The following TNFAIP1 variants were observed in gnomAD, a reference collection of about 807,000 sequenced individuals.
The protein encoded by TNFAIP1 is TNF alpha induced protein 1.
In TNFAIP1, 20 loss-of-function variants were observed where a neutral mutation model predicts 32.6. That is an observed-to-expected ratio of 0.61 (90% CI 0.43 to 0.89). TNFAIP1 has a LOEUF of 0.89. Among genes scored for constraint, TNFAIP1 ranks in the 40% least tolerant of loss-of-function variants. The pLI is 0.00. For synonymous variants in TNFAIP1, 166 were observed against 166.8 expected, an observed-to-expected ratio of 1.00 and a Z score of 0.04; for missense variants, 319 against 425.1, an observed-to-expected ratio of 0.75 and a Z score of 2.20.
chr17:28,340,452 G>A lies in TNFAIP1; in HGVS notation c.349G>A (p.Val117Met), dbSNP rs1907323429. 1.2e-6 allele frequency: 2 copies of A among 1,613,844 alleles called. No homozygotes were observed. The highest frequency in any genetic ancestry group is 1.3e-5 in the African/African-American group (1 of 75,046). ...EAKYYLIQGL[V>M]NMCQSALQDK... ...AAAGTATTACCTCATCCAGGGGCTG[G>A]TGAATATGTGCCAGAGTGCCCTGCA... Residue 117 changes from valine to methionine, a missense_variant, in exon 3 of 7, where the codon GTG becomes ATG. Transcript: ENST00000226225. This position sits in a 1 kb window ranked among gnomAD's most constrained non-coding sequence, Gnocchi z 4.1.
rs1296867596 is a variant in TNFAIP1 at position 28,344,860 on chromosome 17, C to T, written c.*260C>T. 2 of 534,508 alleles carry T rather than the reference C, an allele frequency of 3.7e-6. No individual in the cohort carries two copies. Among genetic ancestry groups the T allele is most frequent in the East Asian group, 3.2e-5 (1 of 30,954 alleles). The allele number at this position is 534,508 out of a possible 1,614,324, so 33.1% of individuals were successfully genotyped here. A position where few individuals can be genotyped will look rare whatever the true frequency, so the allele number is the denominator to read the frequency against. ...TGCCCGACGGAGCTGCTTCTGCTCC[C>T]TGGGGCATATGGACTGACCCACCTC... On this transcript the variant is annotated 3_prime_UTR_variant, in exon 7 of 7. Coordinates refer to ENST00000226225, the MANE Select transcript of TNFAIP1 (RefSeq NM_021137.5).
At chr17:28,339,241 GAA>G (rs1316145348) in intron 1 of TNFAIP1, among the ~76,000 whole-genome samples, 165 bp from the exon 2 acceptor site, 3 of 82,426 alleles carry the variant, frequency 3.6e-5, no homozygotes. Context: ...CTGTCTCTAA[GAA>G]AAAAAAAAAA....
Position 28,339,657 on chromosome 17 carries a change from C to T in TNFAIP1, c.136C>T (p.Leu46=), listed in dbSNP as rs782445475. Reference sequence around the variant, plus strand: ...TCTGTACTACACCACTGTGCGGGCCCTGACCCGCCACGACACCATGCTCAA... The same window carrying T: ...TCTGTACTACACCACTGTGCGGGCCTTGACCCGCCACGACACCATGCTCAA... ...GSLYYTTVRA[L]TRHDTMLKAM... The change falls in exon 2 of 7, where the codon CTG becomes TTG. Residue 46 remains leucine (L), a synonymous_variant. Coordinates refer to ENST00000226225, the MANE Select transcript of TNFAIP1 (RefSeq NM_021137.5). 3 of 1,613,326 alleles carry T rather than the reference C, an allele frequency of 1.9e-6. No individual in the cohort carries two copies. The highest frequency in any genetic ancestry group is 2.5e-6 in the Non-Finnish European group (3 of 1,180,018).
chr17:28,340,234 C>T lies in TNFAIP1; in HGVS notation c.206-75C>T. 1 of 1,514,244 alleles carries T rather than the reference C, an allele frequency of 6.6e-7. No individual in the cohort carries two copies. 93.8% of individuals were successfully genotyped at this position (1,514,244 alleles called of 1,614,324 possible). A position where few individuals can be genotyped will look rare whatever the true frequency, so the allele number is the denominator to read the frequency against. On this transcript the variant is annotated intron_variant, in intron 2 of 6. Coordinates refer to ENST00000226225, the MANE Select transcript of TNFAIP1 (RefSeq NM_021137.5). The surrounding 1 kb of genome is among the most constrained non-coding windows in gnomAD (Gnocchi z 4.1). ...CCCCTTCCCTGCCACCTGCCGCCAG[C>T]TTGTCAGGTGGCCTTTGCCTGCCTC... is the stretch of plus-strand genomic sequence containing the variant.
Position 28,344,830 on chromosome 17 carries a change from C to G in TNFAIP1, c.*230C>G, listed in dbSNP as rs1189762330. The G allele has an allele frequency of 5.2e-6, 3 of 574,282 alleles. No homozygotes were observed. The highest frequency in any genetic ancestry group is 9.4e-6 in the Non-Finnish European group (3 of 320,164). The allele number at this position is 574,282 out of a possible 1,614,324, so 35.6% of individuals were successfully genotyped here. Reference sequence around the variant, plus strand: ...CCTGTCCTATCTGCTCACCATCACCCTTCCTGCCCGACGGAGCTGCTTCTG... The same window carrying G: ...CCTGTCCTATCTGCTCACCATCACCGTTCCTGCCCGACGGAGCTGCTTCTG... On this transcript the variant is annotated 3_prime_UTR_variant, in exon 7 of 7. Transcript: ENST00000226225.
In TNFAIP1 at chr17:28,336,820, TG is replaced by T. The variant is rs386796343; in HGVS notation, c.-115+966del. Among the ~76,000 whole-genome samples the T allele has an allele frequency of 1.4e-4, 22 of 152,350 alleles. 1 individual carries two copies. The highest frequency in any genetic ancestry group is 5.1e-4 in the African/African-American group (21 of 41,578). ...TCACTGCTTCACACAGCACCCACGCTGGCTGTCCACTTCCTTGGACATTCTT... is the reference window on the plus strand; with the variant it reads ...TCACTGCTTCACACAGCACCCACGCTGCTGTCCACTTCCTTGGACATTCTT... On this transcript the variant is annotated intron_variant, in intron 1 of 6. Coordinates refer to ENST00000226225, the MANE Select transcript of TNFAIP1 (RefSeq NM_021137.5).
chr17:28,344,801 G>A lies in TNFAIP1; in HGVS notation c.*201G>A. 1.7e-6 allele frequency: 1 copy of A among 604,978 alleles called. No individual in the cohort carries two copies. Among genetic ancestry groups the A allele is most frequent in the East Asian group, 2.8e-5 (1 of 35,936 alleles). 37.5% of individuals were successfully genotyped at this position (604,978 alleles called of 1,614,324 possible). Reference sequence around the variant, plus strand: ...TTGCCCCTGAGCACTTCTGGAGACTGCGTCCTGTCCTATCTGCTCACCATC... The same window carrying A: ...TTGCCCCTGAGCACTTCTGGAGACTACGTCCTGTCCTATCTGCTCACCATC... On this transcript the variant is annotated 3_prime_UTR_variant, in exon 7 of 7. Transcript: ENST00000226225.
In TNFAIP1 at chr17:28,346,732, A is replaced by T. The variant is rs1241815794; in HGVS notation, c.*2132A>T. ...CAGAAAGCAACTCTTGGCTGTGTGC[A>T]TTTTTCAACTCCAAGCAGCCCAGGG... On this transcript the variant is annotated 3_prime_UTR_variant, in exon 7 of 7. Transcript: ENST00000226225. 1 of 152,106 alleles carries T rather than the reference A, an allele frequency of 6.6e-6. No individual in the cohort carries two copies. The highest frequency in any genetic ancestry group is 1.5e-5 in the Non-Finnish European group (1 of 68,032). 9.4% of individuals were successfully genotyped at this position (152,106 alleles called of 1,614,324 possible).
chr17:28,337,059 C>A (rs1412521805), intron 1 of TNFAIP1, among the ~76,000 whole-genome samples: 5 of 152,164 alleles, frequency 3.3e-5, no homozygotes, highest in African/African-American at 1.2e-4. Context: ...GAAATCATTC[C>A]ACTTTTTTTC....
In TNFAIP1 at chr17:28,342,304, C is replaced by T; in HGVS notation, c.576C>T (p.Arg192=). The change falls in exon 6 of 7, where the codon CGC becomes CGT. Residue 192 remains arginine (R), a synonymous_variant. Coordinates refer to ENST00000226225, the MANE Select transcript of TNFAIP1 (RefSeq NM_021137.5). The surrounding 1 kb of genome is among the most constrained non-coding windows in gnomAD (Gnocchi z 4.0). ...NIELFDKLSL[R]FNGRVLFIKD... Reference sequence around the variant, plus strand: ...AGCTGTTTGACAAGCTCTCCCTGCGCTTCAACGGCCGCGTGCTCTTCATCA... The same window carrying T: ...AGCTGTTTGACAAGCTCTCCCTGCGTTTCAACGGCCGCGTGCTCTTCATCA... The T allele has an allele frequency of 6.3e-7, 1 of 1,597,872 alleles. No individual in the cohort carries two copies. Among genetic ancestry groups the T allele is most frequent in the Non-Finnish European group, 8.6e-7 (1 of 1,166,256 alleles).
chr17:28,338,967 A>G (rs1354162073), intron 1 of TNFAIP1, among the ~76,000 whole-genome samples: 1 of 151,684 alleles, frequency 6.6e-6, no homozygotes, highest in Non-Finnish European at 1.5e-5. Context: ...GCGGTGATTC[A>G]TACTTATAAT....
At chr17:28,339,831 G>A in intron 2 of TNFAIP1, 105 bp downstream of exon 2, 2 of 1,251,754 alleles carry the variant, frequency 1.6e-6, no homozygotes, top group Non-Finnish European at 2.2e-6. Flanking sequence ...TTTATGTAGG[G>A]TGTCTTCACC....
chr17:28,336,488 A>G (rs1199707363), intron 1 of TNFAIP1: 2 of 152,168 alleles, frequency 1.3e-5, no homozygotes, highest in Admixed American at 6.5e-5. Flanking sequence ...AAAGGAAGAG[A>G]TTAGCTCTGG....
At chr17:28,343,800 T>G (rs147498330) in intron 6 of TNFAIP1, among the ~76,000 whole-genome samples, 2 of 152,172 alleles carry the variant, frequency 1.3e-5, no homozygotes, top group African/African-American at 2.4e-5. Flanking sequence ...ATTCAGGTGC[T>G]TGACTGCCTT....
At position 28,344,706 on chromosome 17, in the gene TNFAIP1, C is replaced by A; in HGVS notation, c.*106C>A. 8.6e-7 allele frequency: 1 copy of A among 1,160,124 alleles called. No individual in the cohort carries two copies. The highest frequency in any genetic ancestry group is 1.4e-5 in the South Asian group (1 of 73,654). The allele number at this position is 1,160,124 out of a possible 1,614,324, so 71.9% of individuals were successfully genotyped here. ...TGCTGCCTGGGTCTCTGCTCTAGCA[C>A]CCAGAGGCATGACAGGCCCTGCTCA... On this transcript the variant is annotated 3_prime_UTR_variant, in exon 7 of 7. Transcript: ENST00000226225.
intron 6 of TNFAIP1, among the ~76,000 whole-genome samples, chr17:28,344,148 G>A (rs984299099): frequency 6.6e-5 from 10 of 152,114 alleles, no homozygotes; most frequent in Non-Finnish European, 1.3e-4. Flanking sequence ...GCTGGGGCAG[G>A]GGTGTGGAGG....
chr17:28,341,130 C>T, intron 3 of TNFAIP1, 107 bp from the exon 4 acceptor site: 1 of 1,167,074 alleles, frequency 8.6e-7, no homozygotes, highest in South Asian at 1.3e-5. Context: ...TCTGACACTT[C>T]CTCACCAAGC....
intron 1 of TNFAIP1, among the ~76,000 whole-genome samples, chr17:28,338,287 T>C (rs782731063): frequency 6.6e-6 from 1 of 152,170 alleles, no homozygotes; most frequent in Non-Finnish European, 1.5e-5. Flanking sequence ...TGTTTTTAGA[T>C]TTATCCTCTG....
At chr17:28,335,997 G>A (rs536773981) in intron 1 of TNFAIP1, 141 bp downstream of exon 1, 17 of 152,374 alleles carry the variant, frequency 1.1e-4, no homozygotes, top group African/African-American at 3.6e-4. Flanking sequence ...CGGAGGGTGG[G>A]CGTGAGAACC....
Sources: gnomAD v4.1 joint callset for allele counts (sites outside exome capture counted in the v4.1 genomes callset) on GRCh38, gnomAD v4.1.1 for gene constraint, Gnocchi (gnomAD v3.1) non-coding constraint, MANE v1.5 for transcripts, NCBI Gene and HGNC (gene_info 2026-07-23, HGNC 2026-07-21) for gene names.